The following CNOT4 variants were observed in gnomAD, a reference collection of about 807,000 sequenced individuals.
CNOT4 encodes the protein CCR4-NOT transcription complex subunit 4, also known as CCR4-associated factor 4.
CNOT4 carries 8 observed loss-of-function variants against 73.8 expected under a neutral mutation model. That is an observed-to-expected ratio of 0.11 (90% CI 0.06 to 0.20). The LOEUF is 0.20. Ranked by LOEUF, CNOT4 falls within the 10% of genes least tolerant of loss-of-function variation. The probability of loss-of-function intolerance (pLI) is 1.00; values close to 1 mark genes in which losing one functional copy is unlikely to be tolerated. For missense variants in CNOT4, 564 were observed against 883.4 expected (o/e 0.64, Z 4.58); for synonymous variants, 293 against 321.1 (o/e 0.91, Z 0.94).
At chr7:135,374,244 G>T (rs374066291) in intron 10 of CNOT4, among the ~76,000 whole-genome samples, 5 of 152,034 alleles carry the variant, frequency 3.3e-5, no homozygotes, top group African/African-American at 1.2e-4. Flanking sequence ...CCCCAAAATG[G>T]AATAAAGTTA....
intron 1 of CNOT4, among the ~76,000 whole-genome samples, chr7:135,477,300 G>T (rs936855947): frequency 6.6e-6 from 1 of 151,182 alleles, no homozygotes; most frequent in Admixed American, 6.6e-5. Flanking sequence ...CTGGGATTGC[G>T]CCACTGCACT....
chr7:135,490,851 T>G (rs1012080630), intron 1 of CNOT4, among the ~76,000 whole-genome samples: 8 of 152,186 alleles, frequency 5.3e-5, no homozygotes, highest in Non-Finnish European at 1.0e-4. Flanking sequence ...AGGGCAAGGG[T>G]AGAAGCAGGA....
chr7:135,437,785 A>G (rs1585642417), intron 2 of CNOT4, among the ~76,000 whole-genome samples: 1 of 152,266 alleles, frequency 6.6e-6, no homozygotes, highest in Middle Eastern at 3.4e-3. Flanking sequence ...TTCCTCCCAC[A>G]TGTAATATAA....
At position 135,462,365 on chromosome 7, in the gene CNOT4, G is replaced by A. The variant is rs544793344; in HGVS notation, c.-92-23942C>T. Among the ~76,000 whole-genome samples the A allele has an allele frequency of 3.3e-5, 5 of 152,012 alleles. No homozygotes were observed. The East Asian group carries it at 9.7e-4, about 29-fold the overall frequency. The stretch of plus-strand genomic sequence containing the variant: ...TACCAGTTCTGTCCCCATCTCCCTC[G>A]ATCCAATCTCCTTATTCTGGTCTAC... On this transcript the variant is annotated intron_variant, in intron 1 of 11. Transcript: ENST00000541284.
At chr7:135,365,969 G>A (rs1794894069) in intron 10 of CNOT4, among the ~76,000 whole-genome samples, 2 of 152,184 alleles carry the variant, frequency 1.3e-5, no homozygotes, top group South Asian at 4.1e-4. Context: ...CAGTCCAACT[G>A]TCATGCTGAA....
intron 1 of CNOT4, among the ~76,000 whole-genome samples, chr7:135,504,658 T>C (rs1804240643): frequency 8.5e-6 from 1 of 118,050 alleles, no homozygotes; most frequent in Non-Finnish European, 1.8e-5. Flanking sequence ...GGCTAATTTT[T>C]TGTATTTTTA....
intron 1 of CNOT4, among the ~76,000 whole-genome samples, chr7:135,445,162 T>C (rs1799743660): frequency 6.6e-6 from 1 of 152,180 alleles, no homozygotes. Context: ...GTTAATGGGG[T>C]TGCCTCCCAG....
rs571817002 is a variant in CNOT4, at chr7:135,411,244, C to G, written c.688-596G>C. On this transcript the variant is annotated intron_variant, in intron 6 of 11. Transcript: ENST00000541284. ...ATTAATGTATTTTAAACTCTAGACC[C>G]AGGGTCAGCAATTTACAGCCAGTTG... Among the ~76,000 whole-genome samples the G allele has an allele frequency of 5.3e-5, 8 of 152,058 alleles. No homozygotes were observed. In the South Asian group the frequency reaches 1.5e-3, roughly 28 times the overall value.
intron 1 of CNOT4, chr7:135,508,955 C>A (rs1804549413): frequency 6.6e-6 from 1 of 152,152 alleles, no homozygotes; most frequent in Admixed American, 6.6e-5. Context: ...AAGCCAAGTC[C>A]TAACACAACA....
chr7:135,496,157 A>G (rs1412137077), intron 1 of CNOT4, among the ~76,000 whole-genome samples: 2 of 151,526 alleles, frequency 1.3e-5, no homozygotes, highest in African/African-American at 4.8e-5. Context: ...CAGTGGCGCA[A>G]TCTCCACTCA....
intron 4 of CNOT4, 79 bp from the exon 5 acceptor site, chr7:135,414,511 A>T: frequency 1.4e-6 from 1 of 710,306 alleles, no homozygotes; most frequent in Non-Finnish European, 2.5e-6. Flanking sequence ...CAACCTAGGG[A>T]ATTCTAAAGA....
chr7:135,383,361 C>G (rs1213573288), intron 10 of CNOT4, among the ~76,000 whole-genome samples: 1 of 88,050 alleles, frequency 1.1e-5, no homozygotes, highest in Admixed American at 1.4e-4. Flanking sequence ...AACATTTCTA[C>G]CAATCCTTCA....
chr7:135,396,051 A>G (rs1796663527), intron 8 of CNOT4, among the ~76,000 whole-genome samples, 168 bp from the exon 9 acceptor site: 1 of 151,810 alleles, frequency 6.6e-6, no homozygotes, highest in African/African-American at 2.4e-5. Context: ...TCATTAACTT[A>G]CATATATACT....
chr7:135,386,317 T>C (rs918889588), intron 10 of CNOT4: 2 of 152,094 alleles, frequency 1.3e-5, no homozygotes, highest in Non-Finnish European at 2.9e-5. Flanking sequence ...AAAATTCCTA[T>C]GTTAAGGGAA....
intron 1 of CNOT4, among the ~76,000 whole-genome samples, chr7:135,440,159 A>C (rs2129485405): frequency 6.6e-6 from 1 of 151,792 alleles, no homozygotes; most frequent in East Asian, 1.9e-4. Context: ...GCTACATATA[A>C]TGAAAAGCTA....
At chr7:135,416,445 C>T (rs1356411320) in intron 3 of CNOT4, among the ~76,000 whole-genome samples, 2 of 152,136 alleles carry the variant, frequency 1.3e-5, no homozygotes, top group Non-Finnish European at 2.9e-5. Flanking sequence ...GGTAATTACA[C>T]TGAGTTTCAA....
chr7:135,502,092 C>T lies in CNOT4; in HGVS notation c.-93+7797G>A, dbSNP rs116294012. 4.5e-3 allele frequency among the ~76,000 whole-genome samples: 678 copies of T among 152,308 alleles called. 10 individuals carry two copies. Among genetic ancestry groups the T allele is most frequent in the African/African-American group, 0.016 (652 of 41,562 alleles). ...GGGATGACATAGCATGACGGCCCTG[C>T]CAGATGCCAGTGCCATGTTCTGGTT... On this transcript the variant is annotated intron_variant, in intron 1 of 11. Transcript: ENST00000541284.
Position 135,422,162 on chromosome 7 carries a change from G to A in CNOT4, c.366C>T (p.Asp122=), listed in dbSNP as rs779311860. 8 of 1,598,518 alleles carry A rather than the reference G, an allele frequency of 5.0e-6. No homozygotes were observed. The South Asian group carries it at 8.8e-5, about 18-fold the overall frequency. The change falls in exon 3 of 12, where the codon GAC becomes GAT. Residue 122 remains aspartate (D), a synonymous_variant. Transcript: ENST00000541284. ...AGAAAACAAGAGGACTTACCTCTGG[G>A]TCTGCTAGGCGCTGAGATAAACCTA... ...FVVGLSQRLA[D]PEVLKRPEYF... is the part of the protein sequence containing the mutation.
chr7:135,435,940 C>T (rs1234552629), intron 2 of CNOT4, among the ~76,000 whole-genome samples: 2 of 139,144 alleles, frequency 1.4e-5, no homozygotes, highest in Non-Finnish European at 3.1e-5. Flanking sequence ...AGGGGGTAGG[C>T]CTATAAGGCT....
Sources: allele counts gnomAD v4.1 joint callset (sites outside exome capture counted in the v4.1 genomes callset), GRCh38; gene constraint gnomAD v4.1.1; transcripts MANE v1.5; gene names NCBI Gene and HGNC (gene_info 2026-07-23, HGNC 2026-07-21).